The following SLC4A4 variants were observed in gnomAD, a reference collection of about 807,000 sequenced individuals.
The protein encoded by SLC4A4 is electrogenic sodium bicarbonate cotransporter 1.
In SLC4A4, 27 loss-of-function variants were observed where a neutral mutation model predicts 111.5. That is an observed-to-expected ratio of 0.24 (90% confidence interval 0.18 to 0.33). The LOEUF (loss-of-function observed/expected upper bound fraction) is 0.33, where lower values mean the gene tolerates loss of function less well. SLC4A4 is among the 10% of genes least tolerant of loss of function. The probability of loss-of-function intolerance (pLI) is 1.00; values close to 1 mark genes in which losing one functional copy is unlikely to be tolerated. For synonymous variants in SLC4A4, 443 were observed against 463.4 expected (o/e 0.96, Z 0.57); for missense variants, 909 against 1,315.5 (o/e 0.69, Z 4.78).
intron 16 of SLC4A4, among the ~76,000 whole-genome samples, chr4:71,508,901 C>T (rs1283004595): frequency 6.6e-6 from 1 of 152,146 alleles, no homozygotes; most frequent in East Asian, 1.9e-4. Flanking sequence ...CCAGCTTATC[C>T]ACCACGATCA....
At chr4:71,080,397 T>C (rs187228298) in intron 1 of SLC4A4, among the ~76,000 whole-genome samples, 30 of 152,174 alleles carry the variant, frequency 2.0e-4, no homozygotes, top group Non-Finnish European at 3.8e-4. Flanking sequence ...GAAGGCATGA[T>C]TCCTGATATG....
chr4:71,408,136 T>C (rs930898250), intron 7 of SLC4A4, among the ~76,000 whole-genome samples: 3 of 152,200 alleles, frequency 2.0e-5, no homozygotes, highest in Admixed American at 1.3e-4. Flanking sequence ...TATCAGTCTT[T>C]TTTCACTGAC....
chr4:71,357,291 T>C, intron 6 of SLC4A4, 104 bp downstream of exon 6: 3 of 1,171,568 alleles, frequency 2.6e-6, no homozygotes, highest in Non-Finnish European at 3.8e-6. Context: ...ATTTTTTCTT[T>C]TCTTGAGTTC....
chr4:71,320,712 CT>C (rs1432409400), intron 3 of SLC4A4, among the ~76,000 whole-genome samples: 1 of 151,952 alleles, frequency 6.6e-6, no homozygotes, highest in Non-Finnish European at 1.5e-5. Flanking sequence ...TAAGCTGGTA[CT>C]TGATGGATCT....
intron 17 of SLC4A4, among the ~76,000 whole-genome samples, chr4:71,532,628 C>T (rs1181263074): frequency 6.6e-6 from 1 of 152,064 alleles, no homozygotes; most frequent in Non-Finnish European, 1.5e-5. Context: ...ACATTAGCCT[C>T]CCAAGTAGCT....
chr4:71,453,736 A>C, intron 12 of SLC4A4, 67 bp downstream of exon 12: 5 of 1,434,952 alleles, frequency 3.5e-6, no homozygotes, highest in South Asian at 1.1e-5. Context: ...CCTACAGCTC[A>C]GTTAGAAGCA....
At chr4:71,226,000 A>G (rs765132529) in intron 1 of SLC4A4, among the ~76,000 whole-genome samples, 1 of 152,210 alleles carries the variant, frequency 6.6e-6, no homozygotes, top group Non-Finnish European at 1.5e-5. Flanking sequence ...TTTGAATCCT[A>G]ATTTTATTTG....
intron 2 of SLC4A4, among the ~76,000 whole-genome samples, chr4:71,177,437 T>A (rs1745130947): frequency 1.3e-5 from 2 of 152,076 alleles, no homozygotes; most frequent in Non-Finnish European, 2.9e-5. Flanking sequence ...GAAACCCATC[T>A]CAGGTGCAGA....
At chr4:71,112,243 G>A (rs1050936608) in intron 2 of SLC4A4, among the ~76,000 whole-genome samples, 1 of 152,232 alleles carries the variant, frequency 6.6e-6, no homozygotes, top group African/African-American at 2.4e-5. Flanking sequence ...ACAGGAAAGA[G>A]TAGCATTCGG....
At chr4:71,413,344 A>G (rs1053865487) in intron 7 of SLC4A4, among the ~76,000 whole-genome samples, 3 of 152,182 alleles carry the variant, frequency 2.0e-5, no homozygotes, top group Non-Finnish European at 4.4e-5. Context: ...TTGAATTCTT[A>G]AAGAACTGCT....
At chr4:71,269,713 T>C (rs1312791999) in intron 3 of SLC4A4, among the ~76,000 whole-genome samples, 1 of 152,200 alleles carries the variant, frequency 6.6e-6, no homozygotes, top group African/African-American at 2.4e-5. Flanking sequence ...AAGAACCTTG[T>C]GAGAAATATA....
chr4:71,362,222 C>G (rs1730859835), intron 6 of SLC4A4, among the ~76,000 whole-genome samples: 1 of 152,152 alleles, frequency 6.6e-6, no homozygotes, highest in African/African-American at 2.4e-5. Flanking sequence ...TATAGATGCC[C>G]TTTGCTGAGA....
At chr4:71,435,407 A>G (rs1458503160) in intron 7 of SLC4A4, among the ~76,000 whole-genome samples, 1 of 152,154 alleles carries the variant, frequency 6.6e-6, no homozygotes, top group African/African-American at 2.4e-5. Context: ...CAAAAATTAA[A>G]TCAAGATGGA....
chr4:71,378,268 A>G (rs1232185228), intron 6 of SLC4A4, among the ~76,000 whole-genome samples: 2 of 152,158 alleles, frequency 1.3e-5, no homozygotes, highest in East Asian at 3.9e-4. Context: ...ACTAATGACT[A>G]CCACCCAGTC....
intron 3 of SLC4A4, among the ~76,000 whole-genome samples, chr4:71,295,053 T>G (rs991437561): frequency 6.6e-6 from 1 of 152,190 alleles, no homozygotes; most frequent in African/African-American, 2.4e-5. Flanking sequence ...AGATGTTAAA[T>G]TTTTAGATAT....
intron 2 of SLC4A4, among the ~76,000 whole-genome samples, chr4:71,098,075 C>A (rs1355838391): frequency 6.6e-6 from 1 of 152,068 alleles, no homozygotes; most frequent in African/African-American, 2.4e-5. Context: ...TGGCTTCTGG[C>A]ATCTTTGTCA....
chr4:71,539,199 TCA>T (rs1206962947), intron 18 of SLC4A4, among the ~76,000 whole-genome samples: 1 of 152,118 alleles, frequency 6.6e-6, no homozygotes, highest in Non-Finnish European at 1.5e-5. Flanking sequence ...TCCTATAGAC[TCA>T]GTCCTTTTAT....
chr4:71,407,433 C>A (rs191683484), intron 7 of SLC4A4, among the ~76,000 whole-genome samples: 1 of 152,132 alleles, frequency 6.6e-6, no homozygotes, highest in Admixed American at 6.5e-5. Flanking sequence ...ATTATTCACA[C>A]CGAATAAACT....
chr4:71,371,522 A>G (rs571833764), intron 6 of SLC4A4, among the ~76,000 whole-genome samples: 3 of 151,836 alleles, frequency 2.0e-5, no homozygotes, highest in Admixed American at 2.0e-4. Flanking sequence ...GGGATTACAG[A>G]TGTAAGCCAC....
Sources: allele counts gnomAD v4.1 joint callset (sites outside exome capture counted in the v4.1 genomes callset), GRCh38; gene constraint gnomAD v4.1.1; transcripts MANE v1.5; gene names NCBI Gene and HGNC (gene_info 2026-07-23, HGNC 2026-07-21).